CERS6: variants seen among roughly 807,000 people sequenced by gnomAD.
The protein encoded by CERS6 is ceramide synthase 6.
A neutral mutation model predicts 56.8 loss-of-function variants in CERS6; 26 were observed. The observed-to-expected ratio is 0.46, with a 90% CI of 0.34 to 0.63. The LOEUF (loss-of-function observed/expected upper bound fraction) is 0.63, where lower values mean the gene tolerates loss of function less well. CERS6 is among the 30% of genes least tolerant of loss of function. The pLI, the probability that CERS6 is intolerant of heterozygous loss-of-function variation, is 0.01. For missense variants in CERS6, 415 were observed against 467.5 expected, an observed-to-expected ratio of 0.89 and a Z score of 1.04; for synonymous variants, 164 against 173.3, an observed-to-expected ratio of 0.95 and a Z score of 0.42.
intron 6 of CERS6, among the ~76,000 whole-genome samples, chr2:168,707,008 G>A (rs1207475935): frequency 6.6e-6 from 1 of 152,214 alleles, no homozygotes; most frequent in African/African-American, 2.4e-5. Flanking sequence ...ACCCAAATAT[G>A]GCCATCTGGC....
At chr2:168,551,871 G>T (rs1198072338) in intron 2 of CERS6, among the ~76,000 whole-genome samples, 1 of 152,068 alleles carries the variant, frequency 6.6e-6, no homozygotes, top group Non-Finnish European at 1.5e-5. Context: ...TTCTTAACTG[G>T]TTATATTCAG....
chr2:168,732,859 G>C (rs1279545205), intron 8 of CERS6, among the ~76,000 whole-genome samples: 1 of 151,954 alleles, frequency 6.6e-6, no homozygotes, highest in African/African-American at 2.4e-5. Flanking sequence ...TTTATCTTCT[G>C]GCCTGCTTTT....
At chr2:168,688,561 G>C (rs1370781627) in intron 4 of CERS6, among the ~76,000 whole-genome samples, 2 of 152,136 alleles carry the variant, frequency 1.3e-5, no homozygotes, top group East Asian at 3.9e-4. Context: ...TTGTTCCACT[G>C]TCTCACAGTG....
chr2:168,589,830 G>A (rs544509861), intron 3 of CERS6, among the ~76,000 whole-genome samples: 56 of 152,228 alleles, frequency 3.7e-4, no homozygotes, highest in African/African-American at 1.3e-3. Flanking sequence ...TTAGAAAGAG[G>A]GCTTCAAGGA....
At position 168,652,278 on chromosome 2, in the gene CERS6, C is replaced by T. The variant is rs1685362350; in HGVS notation, c.465+21236C>T. ...CTGCCAGTTGACCTCCGGATTTTTG[C>T]CTCTGTTCAAGTTGGTACTCAAAAT... On this transcript the variant is annotated intron_variant, in intron 4 of 9. Coordinates refer to ENST00000305747, the MANE Select transcript of CERS6 (RefSeq NM_203463.3). 2.0e-5 allele frequency among the ~76,000 whole-genome samples: 3 copies of T among 152,176 alleles called. No individual in the cohort carries two copies. The South Asian group carries it at 6.2e-4, about 32-fold the overall frequency.
At chr2:168,525,102 G>A (rs1005876387) in intron 1 of CERS6, among the ~76,000 whole-genome samples, 8 of 152,202 alleles carry the variant, frequency 5.3e-5, no homozygotes, top group African/African-American at 1.9e-4. Flanking sequence ...AATTTCCTTA[G>A]GGTGGTGCCC....
intron 4 of CERS6, among the ~76,000 whole-genome samples, chr2:168,643,237 C>T (rs10175722): frequency 0.31 from 47,243 of 151,910 alleles, 8,976 homozygotes; most frequent in African/African-American, 0.52. Flanking sequence ...AGTGATACTT[C>T]GCTAATTAGT....
intron 8 of CERS6, among the ~76,000 whole-genome samples, chr2:168,724,862 G>A (rs922187077): frequency 4.6e-5 from 7 of 152,382 alleles, no homozygotes; most frequent in African/African-American, 1.7e-4. Flanking sequence ...CGGGGCTGCA[G>A]GTGGAGCTGC....
chr2:168,658,690 T>C (rs1319752766), intron 4 of CERS6, among the ~76,000 whole-genome samples: 2 of 152,238 alleles, frequency 1.3e-5, no homozygotes, highest in Admixed American at 6.5e-5. Flanking sequence ...GTATATGTAT[T>C]ATTCATTTAT....
At position 168,477,173 on chromosome 2, in the gene CERS6, C is replaced by CAGACAG. The variant is rs1445501712; in HGVS notation, c.170+20558_170+20559insCAGAGA. On this transcript the variant is annotated intron_variant, in intron 1 of 9. Coordinates refer to ENST00000305747, the MANE Select transcript of CERS6 (RefSeq NM_203463.3). ...AGGGAGGAAAGGAATGAGGGAGAGACAGAGAGAGAGAGAGAGAGAGAGAGA... is the reference window on the plus strand; with the variant it reads ...AGGGAGGAAAGGAATGAGGGAGAGACAGACAGAGAGAGAGAGAGAGAGAGAGAGAGA... Among the ~76,000 whole-genome samples the CAGACAG allele has an allele frequency of 6.9e-5, 8 of 115,454 alleles. No individual in the cohort carries two copies. In the Admixed American group the frequency reaches 7.0e-4, roughly 10 times the overall value. The allele number at this position is 115,454 out of a possible 152,430, so 75.7% of individuals were successfully genotyped here. A position where few individuals can be genotyped will look rare whatever the true frequency, so the allele number is the denominator to read the frequency against.
intron 2 of CERS6, among the ~76,000 whole-genome samples, chr2:168,552,174 T>C (rs1453403): frequency 0.95 from 144,598 of 152,118 alleles, 69,177 homozygotes; most frequent in East Asian, 1. Context: ...TTTCCTTCTT[T>C]GCCTCCCAGT....
intron 8 of CERS6, among the ~76,000 whole-genome samples, chr2:168,723,157 G>T (rs1683226611): frequency 6.6e-6 from 1 of 152,146 alleles, no homozygotes; most frequent in Non-Finnish European, 1.5e-5. Context: ...TTCCAGGATT[G>T]AGAGATAAGT....
chr2:168,561,430 A>C, intron 3 of CERS6, 108 bp downstream of exon 3: 4 of 1,233,146 alleles, frequency 3.2e-6, no homozygotes, highest in Non-Finnish European at 4.5e-6. Flanking sequence ...AAAAAGCTGC[A>C]ATCTGGTGGG....
chr2:168,458,641 C>T (rs1389809505), intron 1 of CERS6, among the ~76,000 whole-genome samples: 1 of 152,108 alleles, frequency 6.6e-6, no homozygotes, highest in Non-Finnish European at 1.5e-5. Context: ...TCCTTCAGGC[C>T]ATTGATCTAA....
chr2:168,660,637 C>T (rs1019833850), intron 4 of CERS6, among the ~76,000 whole-genome samples: 2 of 151,976 alleles, frequency 1.3e-5, no homozygotes, highest in Non-Finnish European at 2.9e-5. Flanking sequence ...ACTTAAATAA[C>T]ATGTCTTCTT....
At chr2:168,645,108 AAAAAAAAAATATATAT>A (rs1685147234) in intron 4 of CERS6, among the ~76,000 whole-genome samples, 1 of 67,552 alleles carries the variant, frequency 1.5e-5, no homozygotes, top group Non-Finnish European at 2.9e-5. Context: ...AAAAAAAAAA[AAAAAAAAAATATATAT>A]ATATATATAT....
intron 8 of CERS6, among the ~76,000 whole-genome samples, chr2:168,750,584 A>G (rs1326740585): frequency 6.6e-6 from 1 of 152,220 alleles, no homozygotes; most frequent in Non-Finnish European, 1.5e-5. Flanking sequence ...ATGTTCTTCT[A>G]TAATATAATT....
At chr2:168,609,510 T>TA (rs1559019015) in intron 3 of CERS6, among the ~76,000 whole-genome samples, 1 of 152,200 alleles carries the variant, frequency 6.6e-6, no homozygotes. Context: ...AAGTCCTTTT[T>TA]AGGTTCAGAA....
chr2:168,689,162 C>T (rs144226347), intron 4 of CERS6, among the ~76,000 whole-genome samples: 1 of 152,242 alleles, frequency 6.6e-6, no homozygotes, highest in African/African-American at 2.4e-5. Flanking sequence ...CATTAACATT[C>T]AGTAGATGAG....
Sources: gnomAD v4.1 joint callset for allele counts (sites outside exome capture counted in the v4.1 genomes callset) on GRCh38, gnomAD v4.1.1 for gene constraint, MANE v1.5 for transcripts, NCBI Gene and HGNC (gene_info 2026-07-23, HGNC 2026-07-21) for gene names.